SH3RF2: variants seen among roughly 807,000 people sequenced by gnomAD.
SH3RF2 encodes E3 ubiquitin-protein ligase SH3RF2.
A neutral mutation model predicts 59.0 loss-of-function variants in SH3RF2; 43 were observed. The ratio of observed to expected loss-of-function variants is 0.73; its 90% CI spans 0.57 to 0.94. The LOEUF (loss-of-function observed/expected upper bound fraction) is 0.94. SH3RF2 is among the 40% of genes least tolerant of loss of function. The pLI is 0.00. For missense variants in SH3RF2, 930 were observed against 940.1 expected, an observed-to-expected ratio of 0.99 and a Z score of 0.14; for synonymous variants, 391 against 391.5, an observed-to-expected ratio of 1.00 and a Z score of 0.01.
chr5:146,014,157 C>A, intron 5 of SH3RF2, 96 bp downstream of exon 5: 1 of 1,312,344 alleles, frequency 7.6e-7, no homozygotes, highest in Non-Finnish European at 1.1e-6. Context: ...ACTTGCTAAG[C>A]ACCCAGAATG....
chr5:146,026,479 T>C (rs979194928), intron 5 of SH3RF2, among the ~76,000 whole-genome samples: 6 of 152,204 alleles, frequency 3.9e-5, no homozygotes, highest in African/African-American at 7.2e-5. Context: ...TGTGCGTTAA[T>C]TGGCTAACAG....
At chr5:145,972,734 A>G (rs1759136468) in intron 2 of SH3RF2, among the ~76,000 whole-genome samples, 1 of 152,204 alleles carries the variant, frequency 6.6e-6, no homozygotes, top group African/African-American at 2.4e-5. Context: ...GTCTGCATAA[A>G]TTATCTTTAA....
At chr5:145,980,301 T>G (rs1467917669) in intron 2 of SH3RF2, among the ~76,000 whole-genome samples, 1 of 152,196 alleles carries the variant, frequency 6.6e-6, no homozygotes, top group Non-Finnish European at 1.5e-5. Flanking sequence ...TTTTCCAGGC[T>G]TTATCTTTGT....
intron 2 of SH3RF2, among the ~76,000 whole-genome samples, chr5:145,957,178 C>T (rs1169200142): frequency 6.6e-5 from 10 of 152,146 alleles, no homozygotes; most frequent in Admixed American, 6.5e-4. Context: ...AAAATTTATT[C>T]CCTAAATACC....
chr5:145,938,101 C>T lies in SH3RF2; in HGVS notation c.173C>T (p.Ser58Phe). 1 of 1,614,228 alleles carries T rather than the reference C, an allele frequency of 6.2e-7. No individual in the cohort carries two copies. ...RCPECRTPVF[S>F]NIEALPANLL... is the part of the protein sequence containing the mutation. ...CCCGAATGCAGGACGCCTGTGTTTT[C>T]CAACATTGAGGCGCTGCCGGCCAAC... The change falls in exon 2 of 10, where the codon TCC becomes TTC. Residue 58 changes from serine (S) to phenylalanine (F), a missense_variant. Coordinates refer to ENST00000359120, the MANE Select transcript of SH3RF2 (RefSeq NM_152550.4).
chr5:145,955,423 G>A (rs1421836311), intron 2 of SH3RF2, among the ~76,000 whole-genome samples: 1 of 152,102 alleles, frequency 6.6e-6, no homozygotes, highest in East Asian at 1.9e-4. Context: ...GAAAAGAGGG[G>A]GATAAGGATT....
chr5:146,059,814 A>T (rs1762818550), intron 8 of SH3RF2, 52 bp from the exon 9 acceptor site: 2 of 1,348,006 alleles, frequency 1.5e-6, no homozygotes, highest in Admixed American at 5.7e-5. Context: ...GCCCCACCCA[A>T]CCTACTGCCA....
chr5:145,938,146 T>G lies in SH3RF2; in HGVS notation c.218T>G (p.Leu73Arg), dbSNP rs753428405. 3.1e-6 allele frequency: 5 copies of G among 1,614,098 alleles called. No homozygotes were observed. Residue 73 changes from leucine (L) to arginine (R), a missense_variant, in exon 2 of 10, where the codon CTG becomes CGG. Coordinates refer to ENST00000359120, the MANE Select transcript of SH3RF2 (RefSeq NM_152550.4). The stretch of plus-strand genomic sequence containing the variant: ...GCCAACCTGCTGCTCGTGCGCCTTC[T>G]GGATGGAGTGCGCTCAGGGCAGAGC... The part of the protein sequence containing the change: ...LPANLLLVRL[L>R]DGVRSGQSSG...
rs892297760 is a variant in SH3RF2, at chr5:146,026,990, A to G, written c.1059+12929A>G. On this transcript the variant is annotated intron_variant, in intron 5 of 9. Coordinates refer to ENST00000359120, the MANE Select transcript of SH3RF2 (RefSeq NM_152550.4). ...TCATTGGGTCAAGCCAGGAAGCTAAAACCATCTCCCATCCCCACTGCCCCA... is the reference window on the plus strand; with the variant it reads ...TCATTGGGTCAAGCCAGGAAGCTAAGACCATCTCCCATCCCCACTGCCCCA... Among the ~76,000 whole-genome samples the G allele has an allele frequency of 7.2e-5, 11 of 152,224 alleles. 1 individual carries two copies. The highest frequency in any genetic ancestry group is 6.2e-4 in the South Asian group (3 of 4,832).
At position 146,062,808 on chromosome 5, in the gene SH3RF2, C is replaced by T. The variant is rs559986657; in HGVS notation, c.*107C>T. ...TTCTTTGGGGACTTGAGCATGGGTC[C>T]TTGTTCTTCCTATTTCACCTCCAGG... On this transcript the variant is annotated 3_prime_UTR_variant, in exon 10 of 10. Coordinates refer to ENST00000359120, the MANE Select transcript of SH3RF2 (RefSeq NM_152550.4). 3.3e-5 allele frequency: 47 copies of T among 1,429,378 alleles called. No individual in the cohort carries two copies. In the East Asian group the frequency reaches 8.4e-4, roughly 26 times the overall value. The allele number at this position is 1,429,378 out of a possible 1,614,324, so 88.5% of individuals were successfully genotyped here.
intron 2 of SH3RF2, among the ~76,000 whole-genome samples, chr5:145,942,701 A>C (rs527569444): frequency 3.3e-5 from 5 of 152,352 alleles, no homozygotes; most frequent in African/African-American, 1.2e-4. Flanking sequence ...GGAGGAAGAC[A>C]TAAAGGTAGG....
intron 5 of SH3RF2, among the ~76,000 whole-genome samples, chr5:146,046,372 T>C (rs10463382): frequency 0.34 from 51,683 of 151,708 alleles, 9,126 homozygotes; most frequent in Non-Finnish European, 0.38. Context: ...AACACACTCA[T>C]ACCTACATAA....
chr5:146,026,812 C>T (rs1761545767), intron 5 of SH3RF2, among the ~76,000 whole-genome samples: 1 of 152,122 alleles, frequency 6.6e-6, no homozygotes, highest in African/African-American at 2.4e-5. Flanking sequence ...CCGTCTGAGC[C>T]TCAGTTTTTA....
intron 3 of SH3RF2, among the ~76,000 whole-genome samples, chr5:146,003,322 C>A (rs1416791650): frequency 2.0e-5 from 3 of 152,180 alleles, no homozygotes; most frequent in Non-Finnish European, 2.9e-5. Context: ...TGGGAGGATT[C>A]TATACCTTCA....
At position 146,060,202 on chromosome 5, in the gene SH3RF2, A is replaced by G; in HGVS notation, c.1892A>G (p.Asn631Ser). Residue 631 changes from asparagine to serine, a missense_variant, in exon 9 of 10, where the codon AAC (asparagine) becomes AGC (serine). By Grantham distance (46) the Asn-to-Ser change is conservative. Coordinates refer to ENST00000359120, the MANE Select transcript of SH3RF2 (RefSeq NM_152550.4). ...CCATCCATCCTGGTGAAACCAGAAA[A>G]CTCAAGAAATGGCATCGAAAAGGTA... is the stretch of plus-strand genomic sequence containing the variant. ...APPSILVKPE[N>S]SRNGIEKQVK... The G allele has an allele frequency of 6.2e-7, 1 of 1,609,778 alleles. No homozygotes were observed. Among genetic ancestry groups the G allele is most frequent in the Non-Finnish European group, 8.5e-7 (1 of 1,177,838 alleles).
At chr5:145,945,816 T>G (rs534550217) in intron 2 of SH3RF2, among the ~76,000 whole-genome samples, 15 of 152,172 alleles carry the variant, frequency 9.9e-5, no homozygotes, top group Non-Finnish European at 2.1e-4. Flanking sequence ...ACTTGTTGCC[T>G]GCCATTGTGA....
At chr5:146,019,498 T>C (rs1381982953) in intron 5 of SH3RF2, among the ~76,000 whole-genome samples, 1 of 152,180 alleles carries the variant, frequency 6.6e-6, no homozygotes, top group South Asian at 2.1e-4. Context: ...TACCATGCTA[T>C]TGTGGTTACT....
chr5:145,958,890 C>T (rs1169698694), intron 2 of SH3RF2, among the ~76,000 whole-genome samples: 4 of 152,300 alleles, frequency 2.6e-5, no homozygotes, highest in African/African-American at 7.2e-5. Context: ...TGTTTTACAG[C>T]GTGGCCTGTT....
intron 2 of SH3RF2, among the ~76,000 whole-genome samples, chr5:145,987,894 A>T (rs556484696): frequency 6.6e-6 from 1 of 152,358 alleles, no homozygotes; most frequent in African/African-American, 2.4e-5. Context: ...TACATTGTTT[A>T]TCACATTAAT....
Sources: allele counts gnomAD v4.1 joint callset (sites outside exome capture counted in the v4.1 genomes callset), GRCh38; gene constraint gnomAD v4.1.1; transcripts MANE v1.5; gene names NCBI Gene and HGNC (gene_info 2026-07-23, HGNC 2026-07-21).